Variants in RANBP2 observed in about 807,000 individuals in gnomAD.
RANBP2 encodes E3 SUMO-protein ligase RanBP2.
In RANBP2, 57 loss-of-function variants were observed where a neutral mutation model predicts 303.6. The observed-to-expected ratio is 0.19, with a 90% CI of 0.15 to 0.23. The LOEUF (loss-of-function observed/expected upper bound fraction) is 0.23, where lower values mean the gene tolerates loss of function less well. RANBP2 is among the 10% of genes least tolerant of loss of function. The pLI, the probability that RANBP2 is intolerant of heterozygous loss-of-function variation, is 1.00. For missense variants in RANBP2, 3,138 were observed against 3,780.8 expected, an observed-to-expected ratio of 0.83 and a Z score of 4.46; for synonymous variants, 1,167 against 1,301.5, an observed-to-expected ratio of 0.90 and a Z score of 2.23.
chr2:109,125,409 C>T, the RANBP2 span, among the ~76,000 whole-genome samples: 3 of 152,346 alleles, frequency 2.0e-5, no homozygotes, highest in African/African-American at 7.2e-5. Context: ...CCGTCCAGTC[C>T]TGTTTCCTCT....
intron 8 of RANBP2, 28 bp from the exon 9 acceptor site, chr2:108,748,892 A>T: frequency 6.2e-7 from 1 of 1,611,984 alleles, no homozygotes; most frequent in East Asian, 2.2e-5. Context: ...TTTTAAAGTG[A>T]TGGAAATAAC....
chr2:109,043,347 C>CT, the RANBP2 span, among the ~76,000 whole-genome samples: 120 of 146,698 alleles, frequency 8.2e-4, no homozygotes, highest in Middle Eastern at 3.6e-3. Flanking sequence ...ATAACATGAA[C>CT]TTTTTTTTTT....
At chr2:109,659,372 C>A in the RANBP2 span, among the ~76,000 whole-genome samples, 2 of 152,266 alleles carry the variant, frequency 1.3e-5, no homozygotes, top group African/African-American at 4.8e-5. Context: ...TTTCATCCCC[C>A]CCAAAAACAC....
the RANBP2 span, among the ~76,000 whole-genome samples, chr2:108,832,055 A>G: frequency 6.9e-6 from 1 of 145,036 alleles, no homozygotes; most frequent in African/African-American, 2.6e-5. Flanking sequence ...TTTGAAATGG[A>G]GTCTCACTCT....
the RANBP2 span, among the ~76,000 whole-genome samples, chr2:109,070,515 G>T: frequency 6.6e-6 from 1 of 152,072 alleles, no homozygotes; most frequent in African/African-American, 2.4e-5. Context: ...ACATCATCTT[G>T]GTGGTGAGTG....
the RANBP2 span, among the ~76,000 whole-genome samples, chr2:109,619,978 C>CT: frequency 6.6e-6 from 1 of 152,144 alleles, no homozygotes; most frequent in Admixed American, 6.5e-5. Flanking sequence ...TAACTACCTG[C>CT]TTTTTCCATG....
chr2:108,880,924 A>G, the RANBP2 span, among the ~76,000 whole-genome samples: 1 of 152,222 alleles, frequency 6.6e-6, no homozygotes, highest in Non-Finnish European at 1.5e-5. Context: ...TTGCTTCTCC[A>G]TATATACTTT....
the RANBP2 span, chr2:109,594,851 A>C: frequency 4.6e-5 from 7 of 152,186 alleles, no homozygotes; most frequent in African/African-American, 1.7e-4. Flanking sequence ...CATTTTGATA[A>C]AATAGGCTGA....
the RANBP2 span, among the ~76,000 whole-genome samples, chr2:109,254,418 G>C: frequency 1.3e-5 from 2 of 152,102 alleles, no homozygotes; most frequent in Non-Finnish European, 2.9e-5. Flanking sequence ...TTGGACTGTT[G>C]GGGAGGTTAA....
chr2:109,172,771 A>G, the RANBP2 span, among the ~76,000 whole-genome samples: 9 of 152,214 alleles, frequency 5.9e-5, no homozygotes, highest in African/African-American at 1.9e-4. Flanking sequence ...TAAGAAACCA[A>G]ACTGCATGTG....
the RANBP2 span, among the ~76,000 whole-genome samples, chr2:109,592,492 A>C: frequency 1.3e-5 from 2 of 150,416 alleles, no homozygotes; most frequent in African/African-American, 2.4e-5. Flanking sequence ...AACGAATGAT[A>C]AAAAGAAATA....
At chr2:108,803,233 G>A in the RANBP2 span, among the ~76,000 whole-genome samples, 1 of 152,144 alleles carries the variant, frequency 6.6e-6, no homozygotes, top group Non-Finnish European at 1.5e-5. Context: ...TCCTGTGCCC[G>A]CCTGAGCGGC....
At chr2:109,431,174 G>A in the RANBP2 span, among the ~76,000 whole-genome samples, 2 of 152,226 alleles carry the variant, frequency 1.3e-5, no homozygotes, top group African/African-American at 4.8e-5. Context: ...GCAATGGTGG[G>A]GTCTATGAGC....
the RANBP2 span, chr2:108,906,266 T>C: frequency 1.8e-5 from 29 of 1,604,760 alleles, no homozygotes; most frequent in Non-Finnish European, 2.3e-5. Context: ...TTCATGTCGG[T>C]GGGGTGGGCA....
the RANBP2 span, among the ~76,000 whole-genome samples, chr2:109,078,838 A>C: frequency 6.6e-6 from 1 of 151,844 alleles, no homozygotes; most frequent in African/African-American, 2.4e-5. Context: ...AAAAAAAAAA[A>C]AAAATAGCCG....
chr2:108,764,515 C>T lies in RANBP2; in HGVS notation c.3976C>T (p.Pro1326Ser). 1 of 1,613,858 alleles carries T rather than the reference C, an allele frequency of 6.2e-7. No individual in the cohort carries two copies. Among genetic ancestry groups the T allele is most frequent in the Non-Finnish European group, 8.5e-7 (1 of 1,179,942 alleles). The change falls in exon 20 of 29, where the codon CCC (proline) becomes TCC (serine). Residue 1326 changes from proline (P) to serine (S), a missense_variant. By Grantham distance (74) the Pro-to-Ser change is moderately conservative. This residue lies in a region of RANBP2 where 388 missense variants were observed against 328.5 expected (regional missense o/e 1.18). Coordinates refer to ENST00000283195, the MANE Select transcript of RANBP2 (RefSeq NM_006267.5). ...TCAGGCTGTCAGAATTGTAAAAGAA[C>T]CCACAAGTCATGATAACAAGGATAT... ...SNQAVRIVKE[P>S]TSHDNKDICK...
chr2:109,384,989 A>C, the RANBP2 span, among the ~76,000 whole-genome samples: 2 of 152,232 alleles, frequency 1.3e-5, no homozygotes, highest in African/African-American at 4.8e-5. Flanking sequence ...TCCTCACTGC[A>C]GTCTACCCTG....
chr2:108,758,212 G>A (rs1223447568), intron 17 of RANBP2, among the ~76,000 whole-genome samples: 2 of 151,630 alleles, frequency 1.3e-5, no homozygotes, highest in African/African-American at 4.9e-5. Context: ...TGGGAGAATT[G>A]CTTGAGCCCA....
the RANBP2 span, among the ~76,000 whole-genome samples, chr2:109,563,139 A>C: frequency 6.6e-6 from 1 of 151,956 alleles, no homozygotes; most frequent in African/African-American, 2.4e-5. Flanking sequence ...TTGAACTCCT[A>C]ACCTCAAGTG....
Sources: allele counts gnomAD v4.1 joint callset (sites outside exome capture counted in the v4.1 genomes callset), GRCh38; gene constraint gnomAD v4.1.1; regional missense constraint gnomAD v4.1.1; transcripts MANE v1.5; gene names NCBI Gene and HGNC (gene_info 2026-07-23, HGNC 2026-07-21).